Variants in PROS1 observed in about 807,000 individuals in gnomAD.
The protein encoded by PROS1 is vitamin K-dependent protein S.
In PROS1, 29 loss-of-function variants were observed where a neutral mutation model predicts 75.9. That is an observed-to-expected ratio of 0.38 (90% CI 0.28 to 0.52). The LOEUF is 0.52. Among genes scored for constraint, PROS1 ranks in the 20% least tolerant of loss-of-function variants. The pLI is 0.83. For missense variants in PROS1, 680 were observed against 810.3 expected (o/e 0.84, Z 1.95); for synonymous variants, 245 against 280.6 (o/e 0.87, Z 1.27).
intron 14 of PROS1, among the ~76,000 whole-genome samples, chr3:93,875,742 C>T (rs1443706702): frequency 6.6e-6 from 1 of 151,838 alleles, no homozygotes; most frequent in Non-Finnish European, 1.5e-5. Flanking sequence ...TCCCAAAACC[C>T]CAGATACAAT....
chr3:93,910,729 C>T (rs1483418779), intron 3 of PROS1, 24 bp from the exon 4 acceptor site: 2 of 1,572,572 alleles, frequency 1.3e-6, no homozygotes, highest in Admixed American at 1.7e-5. Context: ...CAAACATAAT[C>T]TTCTTAGAGT....
chr3:93,873,054 A>T lies in PROS1; in HGVS notation c.*1191T>A, dbSNP rs562714994. ...TCGTTGTATGAAGAGTTAAATGTCT[A>T]TTATGTAATTTTGTTTTATTCAAAC... is the stretch of plus-strand genomic sequence containing the variant. On this transcript the variant is annotated 3_prime_UTR_variant, in exon 15 of 15. Transcript: ENST00000394236. 6.6e-6 allele frequency: 1 copy of T among 152,332 alleles called. No homozygotes were observed. The highest frequency in any genetic ancestry group is 1.9e-4 in the East Asian group (1 of 5,188). The allele number at this position is 152,332 out of a possible 1,614,324, so 9.4% of individuals were successfully genotyped here.
rs1324635820 is a variant in PROS1, at chr3:93,886,451, G to A, written c.1208C>T (p.Ala403Val). The A allele has an allele frequency of 5.6e-6, 9 of 1,612,430 alleles. No individual in the cohort carries two copies. In the African/African-American group the frequency reaches 1.1e-4, roughly 19 times the overall value. Residue 403 changes from alanine to valine, a missense_variant, in exon 11 of 15, where the codon GCT (alanine) becomes GTT (valine). Ala to Val is a moderately conservative substitution (Grantham distance 64). Coordinates refer to ENST00000394236, the MANE Select transcript of PROS1 (RefSeq NM_000313.4). ...HSISIKIAKE[A>V]VMDINKPGPL... ...TCCAGGTTTATTTATATCCATCACA[G>A]CTTCTTTAGCTATTTTAATGCTAAT...
chr3:93,941,182 C>T (rs770068640), intron 1 of PROS1, among the ~76,000 whole-genome samples: 1 of 152,124 alleles, frequency 6.6e-6, no homozygotes, highest in Non-Finnish European at 1.5e-5. Flanking sequence ...CTTTCCACTC[C>T]TCCACTTCTC....
chr3:93,909,364 G>C (rs1216266155), intron 4 of PROS1, among the ~76,000 whole-genome samples: 1 of 150,734 alleles, frequency 6.6e-6, no homozygotes, highest in African/African-American at 2.4e-5. Context: ...GAACCTAGGA[G>C]GTTGAGGCTG....
At chr3:93,965,516 T>A (rs1218676310) in intron 1 of PROS1, among the ~76,000 whole-genome samples, 1 of 152,036 alleles carries the variant, frequency 6.6e-6, no homozygotes, top group Non-Finnish European at 1.5e-5. Context: ...GCTATAACAC[T>A]CACTGCATGG....
chr3:93,935,564 A>T (rs1709170231), intron 1 of PROS1, among the ~76,000 whole-genome samples: 1 of 152,172 alleles, frequency 6.6e-6, no homozygotes. Flanking sequence ...ATTTTGCAAT[A>T]TCGCCCTACT....
At chr3:93,936,606 G>C (rs542630604) in intron 1 of PROS1, among the ~76,000 whole-genome samples, 1 of 152,094 alleles carries the variant, frequency 6.6e-6, no homozygotes, top group Non-Finnish European at 1.5e-5. Flanking sequence ...AAAAAAGCCT[G>C]CACCAGAAAC....
chr3:93,937,911 C>A (rs747763678), intron 1 of PROS1, among the ~76,000 whole-genome samples: 1 of 152,048 alleles, frequency 6.6e-6, no homozygotes, highest in Non-Finnish European at 1.5e-5. Context: ...AAGGAAGAAC[C>A]CTTTTGCCTA....
At chr3:93,890,286 C>A (rs1019979593) in intron 10 of PROS1, among the ~76,000 whole-genome samples, 2 of 152,194 alleles carry the variant, frequency 1.3e-5, no homozygotes, top group Non-Finnish European at 2.9e-5. Context: ...ACGTGCACCG[C>A]TGAACATAGA....
At chr3:93,895,593 T>G (rs1559932500) in intron 9 of PROS1, among the ~76,000 whole-genome samples, 1 of 152,200 alleles carries the variant, frequency 6.6e-6, no homozygotes, top group Non-Finnish European at 1.5e-5. Context: ...ATTAAAATAT[T>G]TTAAAATTTG....
At chr3:93,966,115 A>G (rs753488106) in intron 1 of PROS1, among the ~76,000 whole-genome samples, 21 of 152,178 alleles carry the variant, frequency 1.4e-4, no homozygotes, top group Non-Finnish European at 2.6e-4. Context: ...CTATAAAGCT[A>G]CAGCCAAAAA....
chr3:93,929,809 G>T (rs960968036), intron 1 of PROS1, among the ~76,000 whole-genome samples: 3 of 152,176 alleles, frequency 2.0e-5, no homozygotes, highest in Non-Finnish European at 2.9e-5. Flanking sequence ...AATGAAAAAT[G>T]TAAAAAACAT....
chr3:93,919,178 T>C (rs1708907028), intron 3 of PROS1, among the ~76,000 whole-genome samples: 2 of 152,144 alleles, frequency 1.3e-5, no homozygotes, highest in Non-Finnish European at 2.9e-5. Flanking sequence ...TAACAATTTC[T>C]TTGGAATAGA....
chr3:93,936,142 G>T (rs1338661331), intron 1 of PROS1, among the ~76,000 whole-genome samples: 1 of 150,106 alleles, frequency 6.7e-6, no homozygotes, highest in Non-Finnish European at 1.5e-5. Context: ...CTAACACCCA[G>T]TGTGGCTATA....
chr3:93,927,722 C>G (rs1709041394), intron 1 of PROS1, among the ~76,000 whole-genome samples: 1 of 151,006 alleles, frequency 6.6e-6, no homozygotes, highest in Non-Finnish European at 1.5e-5. Flanking sequence ...CATGCTGAGG[C>G]CAGGTGTGGT....
chr3:93,921,400 A>G (rs1708941929), intron 3 of PROS1, among the ~76,000 whole-genome samples: 1 of 152,220 alleles, frequency 6.6e-6, no homozygotes, highest in Non-Finnish European at 1.5e-5. Context: ...AAGATTACAT[A>G]AGCCTCTTAG....
chr3:93,896,672 G>A lies in PROS1; in HGVS notation c.869C>T (p.Pro290Leu), dbSNP rs1708506328. Residue 290 changes from proline to leucine, a missense_variant, in exon 9 of 15, where the codon CCC (proline) becomes CTC (leucine). Physicochemically the swap from Pro to Leu is moderately conservative, Grantham distance 98 (BLOSUM62 -3). Transcript: ENST00000394236. ...KSCEVVSVCL[P>L]LNLDTKYELL... ...TTCATACTTTGTGTCAAGGTTCAAG[G>A]GAAGGCACACTGAAACAACCTGGAA... 1.2e-6 allele frequency: 2 copies of A among 1,613,086 alleles called. No homozygotes were observed. Among genetic ancestry groups the A allele is most frequent in the South Asian group, 1.1e-5 (1 of 91,062 alleles).
chr3:93,886,542 T>A, intron 10 of PROS1, 39 bp from the exon 11 acceptor site: 1 of 1,465,980 alleles, frequency 6.8e-7, no homozygotes. Context: ...AACCAAGTAT[T>A]ACTACATGTC....
Sources: allele counts gnomAD v4.1 joint callset (sites outside exome capture counted in the v4.1 genomes callset), GRCh38; gene constraint gnomAD v4.1.1; transcripts MANE v1.5; gene names NCBI Gene and HGNC (gene_info 2026-07-23, HGNC 2026-07-21).